The following MIA2 variants were observed in gnomAD, a reference collection of about 807,000 sequenced individuals.
MIA2 encodes the protein melanoma inhibitory activity protein 2.
MIA2 carries 127 observed loss-of-function variants against 167.8 expected under a neutral mutation model. The observed-to-expected ratio is 0.76, with a 90% CI of 0.66 to 0.88. MIA2 has a LOEUF of 0.88. Ranked by LOEUF, MIA2 falls within the 40% of genes least tolerant of loss-of-function variation. MIA2 has a pLI of 0.00. For missense variants in MIA2, 1,690 were observed against 1,624.7 expected (o/e 1.04, Z -0.69); for synonymous variants, 552 against 541.9 (o/e 1.02, Z -0.26).
intron 19 of MIA2, among the ~76,000 whole-genome samples, chr14:39,313,875 G>T (rs1021750859): frequency 1.3e-5 from 2 of 152,036 alleles, no homozygotes; most frequent in African/African-American, 4.8e-5. Flanking sequence ...TATAAATCTA[G>T]ATTTTACCTT....
chr14:39,287,283 C>T (rs1281091377), intron 9 of MIA2, among the ~76,000 whole-genome samples: 2 of 151,854 alleles, frequency 1.3e-5, no homozygotes, highest in Non-Finnish European at 2.9e-5. Context: ...GGCCAAGTTG[C>T]CCAAGCTGGT....
intron 9 of MIA2, among the ~76,000 whole-genome samples, chr14:39,282,476 T>C (rs1313003250): frequency 2.0e-5 from 3 of 152,212 alleles, no homozygotes; most frequent in Non-Finnish European, 2.9e-5. Flanking sequence ...AGGGCAGCTA[T>C]AATGTACTCA....
intron 24 of MIA2, among the ~76,000 whole-genome samples, chr14:39,324,813 G>C (rs1340674391): frequency 6.6e-6 from 1 of 152,042 alleles, no homozygotes; most frequent in African/African-American, 2.4e-5. Context: ...CACCATGTTG[G>C]CCAGGCTGGT....
At chr14:39,277,225 G>T (rs552069351) in intron 7 of MIA2, among the ~76,000 whole-genome samples, 160 bp downstream of exon 7, 1 of 151,916 alleles carries the variant, frequency 6.6e-6, no homozygotes, top group African/African-American at 2.4e-5. Context: ...AAAGAGATGA[G>T]GGTCAGGAAT....
intron 27 of MIA2, 67 bp downstream of exon 27, chr14:39,347,838 T>TTTTTTTTTTTTTTTTTTTTTTTTC (rs1555415318): frequency 7.4e-7 from 1 of 1,344,336 alleles, no homozygotes; most frequent in Non-Finnish European, 1.0e-6. Flanking sequence ...TTTTTTTTTT[T>TTTTTTTTTTTTTTTTTTTTTTTTC]TTTATGGAGT....
Position 39,262,927 on chromosome 14 carries a change from G to C in MIA2, c.1887+9756G>C, listed in dbSNP as rs1387759261. Reference sequence around the variant, plus strand: ...AAGGAGATTTTGGGCTGAGATGATGGGGTTTTCTAAATATACAATCATGTC... The same window carrying C: ...AAGGAGATTTTGGGCTGAGATGATGCGGTTTTCTAAATATACAATCATGTC... On this transcript the variant is annotated intron_variant, in intron 6 of 28. Coordinates refer to ENST00000640607, the MANE Select transcript of MIA2 (RefSeq NM_001329214.4). 4.6e-5 allele frequency among the ~76,000 whole-genome samples: 7 copies of C among 151,576 alleles called. No individual in the cohort carries two copies. The South Asian group carries it at 8.4e-4, about 18-fold the overall frequency.
At chr14:39,314,364 G>C (rs2064930529) in intron 19 of MIA2, among the ~76,000 whole-genome samples, 1 of 142,054 alleles carries the variant, frequency 7.0e-6, no homozygotes, top group South Asian at 2.4e-4. Flanking sequence ...TGCATACTGG[G>C]CAACAAGAGC....
At chr14:39,320,895 A>G (rs1164394036) in intron 23 of MIA2, 33 bp from the exon 24 acceptor site, 11 of 1,603,436 alleles carry the variant, frequency 6.9e-6, no homozygotes, top group Admixed American at 1.7e-5. Context: ...AAGTGAAACT[A>G]TGAATTTAAA....
chr14:39,326,509 A>G (rs1481865188), intron 24 of MIA2, among the ~76,000 whole-genome samples: 2 of 151,990 alleles, frequency 1.3e-5, no homozygotes, highest in Non-Finnish European at 2.9e-5. Flanking sequence ...GAATAGATAT[A>G]GAACTGCTAA....
Position 39,350,140 on chromosome 14 carries a change from C to A in MIA2, c.4115C>A (p.Pro1372His). 2 of 1,385,286 alleles carry A rather than the reference C, an allele frequency of 1.4e-6. No homozygotes were observed. The highest frequency in any genetic ancestry group is 1.3e-5 in the South Asian group (1 of 75,252). The allele number at this position is 1,385,286 out of a possible 1,614,324, so 85.8% of individuals were successfully genotyped here. A position where few individuals can be genotyped will look rare whatever the true frequency, so the allele number is the denominator to read the frequency against. ...YPPRGFPPYL[P>H]PRPGFFPPPP... ...CCGAGGGGTTTTCCTCCTTACCTTC[C>A]CCCAAGACCTGGATTTTTCCCCCCA... Residue 1372 changes from proline to histidine, a missense_variant, in exon 29 of 29, where the codon CCC becomes CAC. Physicochemically the swap from Pro to His is moderately conservative, Grantham distance 77. Coordinates refer to ENST00000640607, the MANE Select transcript of MIA2 (RefSeq NM_001329214.4).
At chr14:39,277,655 T>A in intron 7 of MIA2, among the ~76,000 whole-genome samples, 1 of 130,162 alleles carries the variant, frequency 7.7e-6, no homozygotes, top group Non-Finnish European at 1.6e-5. Flanking sequence ...AACTGGAATC[T>A]TTTAATGTAA....
intron 23 of MIA2, among the ~76,000 whole-genome samples, chr14:39,378,369 C>T (rs1165339883): frequency 2.0e-5 from 3 of 152,212 alleles, no homozygotes; most frequent in African/African-American, 7.2e-5. Flanking sequence ...CTCATGAATA[C>T]ATCAGCTCTT....
Position 39,348,896 on chromosome 14 carries a change from C to G in MIA2, c.3991C>G (p.Pro1331Ala), listed in dbSNP as rs766734159. Residue 1331 changes from proline (P) to alanine (A), a missense_variant, in exon 28 of 29, where the codon CCT becomes GCT. Transcript: ENST00000640607. ...AAGAGGACCTCCTTTCCCCCCACCT[C>G]CTCCAGGAGCCATGTTTGGAGCTTC... The part of the protein sequence containing the change: ...LRRGPPFPPP[P>A]PGAMFGASRD... 6.2e-7 allele frequency: 1 copy of G among 1,614,158 alleles called. No individual in the cohort carries two copies. The highest frequency in any genetic ancestry group is 8.5e-7 in the Non-Finnish European group (1 of 1,180,022).
chr14:39,341,323 T>A (rs767454125), intron 25 of MIA2, among the ~76,000 whole-genome samples: 5 of 151,770 alleles, frequency 3.3e-5, no homozygotes, highest in Non-Finnish European at 7.4e-5. Flanking sequence ...AATAAATAAA[T>A]GAATAAATAA....
chr14:39,368,788 A>T (rs2074877357), intron 23 of MIA2, among the ~76,000 whole-genome samples: 2 of 148,474 alleles, frequency 1.3e-5, no homozygotes, highest in Admixed American at 6.7e-5. Context: ...TTCTCTTGAA[A>T]TTTTTTTCAG....
At chr14:39,240,797 T>C (rs564968505) in intron 3 of MIA2, 150 bp downstream of exon 3, 251 of 547,244 alleles carry the variant, frequency 4.6e-4, no homozygotes, top group Non-Finnish European at 7.0e-4. Context: ...ATAGCTTGAA[T>C]ATTTGAATAA....
chr14:39,334,154 T>C (rs539904974), intron 25 of MIA2, among the ~76,000 whole-genome samples: 45 of 152,322 alleles, frequency 3.0e-4, no homozygotes, highest in Non-Finnish European at 3.1e-4. Flanking sequence ...TGTTTGCTCT[T>C]GGTATATTGG....
chr14:39,386,803 C>T (rs1401433783), intron 23 of MIA2: 2 of 1,030,970 alleles, frequency 1.9e-6, no homozygotes, highest in East Asian at 4.7e-5. Context: ...AGATTAGTGT[C>T]ACCATTACTG....
chr14:39,355,903 T>C (rs907198516), downstream of MIA2, among the ~76,000 whole-genome samples: 14 of 152,208 alleles, frequency 9.2e-5, no homozygotes, highest in African/African-American at 2.7e-4. Context: ...GGATGAAGCC[T>C]ATTTGATCAT....
Sources: gnomAD v4.1 joint callset for allele counts (sites outside exome capture counted in the v4.1 genomes callset) on GRCh38, gnomAD v4.1.1 for gene constraint, MANE v1.5 for transcripts, NCBI Gene and HGNC (gene_info 2026-07-23, HGNC 2026-07-21) for gene names.